Variants in CBLN2 observed in about 807,000 individuals in gnomAD.
CBLN2 encodes the protein cerebellin-2.
CBLN2 carries 7 observed loss-of-function variants against 15.0 expected under a neutral mutation model. That is an observed-to-expected ratio of 0.47 (90% CI 0.27 to 0.88). The LOEUF (loss-of-function observed/expected upper bound fraction) is 0.88, where lower values mean the gene tolerates loss of function less well. CBLN2 is among the 40% of genes least tolerant of loss of function. The pLI is 0.14. For missense variants in CBLN2, 242 were observed against 304.5 expected, an observed-to-expected ratio of 0.79 and a Z score of 1.53; for synonymous variants, 149 against 135.2, an observed-to-expected ratio of 1.10 and a Z score of -0.71.
upstream of CBLN2, among the ~76,000 whole-genome samples, chr18:72,548,607 A>C (rs1012773280): frequency 1.3e-5 from 2 of 152,208 alleles, no homozygotes; most frequent in African/African-American, 4.8e-5. Flanking sequence ...TTTTAAGAGA[A>C]GTATGGTTAT....
chr18:72,614,760 C>T lies in CBLN2; in HGVS notation c.15+23565G>A, dbSNP rs538335957. ...ACATAGTTAAGTGTATTATTAAATT[C>T]ATTCCTTTTGGTAGAGTTGGGTAAT... On this transcript the variant is annotated intron_variant, in intron 1 of 2. Transcript: ENST00000581073. Among the ~76,000 whole-genome samples the T allele has an allele frequency of 3.9e-5, 6 of 152,046 alleles. No homozygotes were observed. The South Asian group carries it at 1.0e-3, about 26-fold the overall frequency.
chr18:72,607,253 T>C, intron 1 of CBLN2, among the ~76,000 whole-genome samples: 1 of 152,178 alleles, frequency 6.6e-6, no homozygotes, highest in East Asian at 1.9e-4. Context: ...GTGAGATAAA[T>C]GCCTTTTGTC....
intron 1 of CBLN2, among the ~76,000 whole-genome samples, chr18:72,633,995 T>C (rs943661077): frequency 6.6e-6 from 1 of 152,058 alleles, no homozygotes; most frequent in African/African-American, 2.4e-5. Flanking sequence ...TGAATCCTGT[T>C]TTAGAGAAAT....
chr18:72,542,212 C>G lies in CBLN2; in HGVS notation c.-52G>C. ...GGGTGGAGGCCGGCGCCGGCGCGAG[C>G]GGCGCGGAAGGGCGCGAAGGAACGC... On this transcript the variant is annotated 5_prime_UTR_variant, in exon 3 of 5. Coordinates refer to ENST00000269503, the MANE Select transcript of CBLN2 (RefSeq NM_182511.4). 3.5e-6 allele frequency: 4 copies of G among 1,153,332 alleles called. No homozygotes were observed. Among genetic ancestry groups the G allele is most frequent in the Non-Finnish European group, 4.3e-6 (4 of 934,320 alleles). 71.4% of individuals were successfully genotyped at this position (1,153,332 alleles called of 1,614,324 possible). A position where few individuals can be genotyped will look rare whatever the true frequency, so the allele number is the denominator to read the frequency against.
At chr18:72,542,671 A>G (rs1266640274) in intron 2 of CBLN2, among the ~76,000 whole-genome samples, 1 of 152,062 alleles carries the variant, frequency 6.6e-6, no homozygotes, top group Non-Finnish European at 1.5e-5. Context: ...AGACGCAGGC[A>G]AAGAAAAACC....
chr18:72,585,402 T>A (rs2069435790), intron 1 of CBLN2, among the ~76,000 whole-genome samples: 1 of 152,094 alleles, frequency 6.6e-6, no homozygotes, highest in African/African-American at 2.4e-5. Flanking sequence ...CTCAGAAGAT[T>A]TGAAGTGGGT....
intron 1 of CBLN2, among the ~76,000 whole-genome samples, chr18:72,578,455 A>T (rs1372491478): frequency 6.6e-6 from 1 of 152,214 alleles, no homozygotes; most frequent in Non-Finnish European, 1.5e-5. Context: ...TCCATAAGGA[A>T]AAAAACAAGG....
intron 1 of CBLN2, among the ~76,000 whole-genome samples, chr18:72,627,309 T>C (rs2069746280): frequency 6.6e-6 from 1 of 152,256 alleles, no homozygotes; most frequent in Non-Finnish European, 1.5e-5. Flanking sequence ...AGAACATATG[T>C]TATTCGAGGA....
intron 1 of CBLN2, among the ~76,000 whole-genome samples, chr18:72,617,434 T>A (rs1357770905): frequency 1.3e-5 from 2 of 152,190 alleles, no homozygotes; most frequent in Admixed American, 6.5e-5. Flanking sequence ...TTTAATAAAG[T>A]ATGTTTTATA....
chr18:72,554,303 T>A (rs2069210061), intron 1 of CBLN2, among the ~76,000 whole-genome samples: 1 of 152,080 alleles, frequency 6.6e-6, no homozygotes, highest in Non-Finnish European at 1.5e-5. Flanking sequence ...AAGAATAATT[T>A]TTAAGAGAAA....
chr18:72,572,965 A>G (rs1365815770), intron 1 of CBLN2, among the ~76,000 whole-genome samples: 1 of 152,186 alleles, frequency 6.6e-6, no homozygotes, highest in Non-Finnish European at 1.5e-5. Context: ...TCCAAAACAG[A>G]TTATCTTGAT....
chr18:72,546,405 C>T (rs1487370903), upstream of CBLN2, among the ~76,000 whole-genome samples: 1 of 151,616 alleles, frequency 6.6e-6, no homozygotes, highest in Non-Finnish European at 1.5e-5. Context: ...CCACTGCAGT[C>T]CTCCGGCCTG....
intron 1 of CBLN2, among the ~76,000 whole-genome samples, chr18:72,626,627 G>C (rs1599029604): frequency 2.0e-5 from 3 of 152,180 alleles, no homozygotes; most frequent in African/African-American, 7.2e-5. Context: ...TTGAACCCAG[G>C]AGACAGAGGT....
intron 1 of CBLN2, among the ~76,000 whole-genome samples, chr18:72,603,222 A>G (rs2069560921): frequency 6.6e-6 from 1 of 152,242 alleles, no homozygotes; most frequent in Non-Finnish European, 1.5e-5. Flanking sequence ...TGATTTTATA[A>G]AAACCTTTCT....
intron 1 of CBLN2, among the ~76,000 whole-genome samples, chr18:72,555,250 C>G (rs1239834404): frequency 6.6e-6 from 1 of 152,130 alleles, no homozygotes; most frequent in East Asian, 1.9e-4. Flanking sequence ...AAGGTGCCCT[C>G]GGCTGGAAAG....
intron 1 of CBLN2, among the ~76,000 whole-genome samples, chr18:72,569,306 T>C (rs72634442): frequency 6.6e-6 from 1 of 152,132 alleles, no homozygotes; most frequent in African/African-American, 2.4e-5. Context: ...TTAAGATAGC[T>C]GTATTTACTA....
chr18:72,590,287 A>C (rs1400498234), intron 1 of CBLN2, among the ~76,000 whole-genome samples: 1 of 145,654 alleles, frequency 6.9e-6, no homozygotes, highest in Non-Finnish European at 1.5e-5. Flanking sequence ...AACAAAAACA[A>C]AAAAAAAAAA....
upstream of CBLN2, among the ~76,000 whole-genome samples, chr18:72,547,502 T>C (rs1382555146): frequency 2.6e-5 from 4 of 152,184 alleles, no homozygotes; most frequent in Non-Finnish European, 5.9e-5. Context: ...CAGGAGGTAG[T>C]AGAAAATCAG....
chr18:72,605,411 A>G (rs765844095), intron 1 of CBLN2, among the ~76,000 whole-genome samples: 35 of 152,230 alleles, frequency 2.3e-4, no homozygotes, highest in Non-Finnish European at 4.6e-4. Flanking sequence ...ACTAAACCCA[A>G]CTGGCCTTTG....
Sources: gnomAD v4.1 joint callset for allele counts (sites outside exome capture counted in the v4.1 genomes callset) on GRCh38, gnomAD v4.1.1 for gene constraint, MANE v1.5 for transcripts, NCBI Gene and HGNC (gene_info 2026-07-23, HGNC 2026-07-21) for gene names.